RNASET2: variants seen among roughly 807,000 people sequenced by gnomAD.
RNASET2 encodes ribonuclease 6.
In RNASET2, 28 loss-of-function variants were observed where a neutral mutation model predicts 33.9. The observed-to-expected ratio is 0.83, with a 90% confidence interval of 0.61 to 1.13. The LOEUF (loss-of-function observed/expected upper bound fraction) is 1.13. Ranked by LOEUF, RNASET2 falls within the 50% of genes most tolerant of loss-of-function variation. The pLI, the probability that RNASET2 is intolerant of heterozygous loss-of-function variation, is 0.00. For synonymous variants in RNASET2, 123 were observed against 121.0 expected (o/e 1.02, Z -0.11); for missense variants, 330 against 319.9 (o/e 1.03, Z -0.24).
Position 166,938,980 on chromosome 6 carries a change from A to C in RNASET2, c.361T>G (p.Cys121Gly). Residue 121 changes from cysteine to glycine, a missense_variant, in exon 6 of 9, where the codon TGC becomes GGC. Coordinates refer to ENST00000508775, the MANE Select transcript of RNASET2 (RefSeq NM_003730.6). ...WKHEWEKHGT[C>G]AAQVDALNSQ... ...TTGAGCGCATCCACCTGGGCGGCGCAGGTCCCATGCTTTTCCCACTCATGC... is the reference window on the plus strand; with the variant it reads ...TTGAGCGCATCCACCTGGGCGGCGCCGGTCCCATGCTTTTCCCACTCATGC... The C allele has an allele frequency of 6.2e-7, 1 of 1,613,522 alleles. No homozygotes were observed. Among genetic ancestry groups the C allele is most frequent in the Non-Finnish European group, 8.5e-7 (1 of 1,179,944 alleles).
chr6:166,943,114 T>A (rs1230034541), intron 4 of RNASET2, 25 bp from the exon 5 acceptor site: 1 of 1,562,032 alleles, frequency 6.4e-7, no homozygotes, highest in East Asian at 2.2e-5. Flanking sequence ...ATAAAATAAG[T>A]CTACGCAGGT....
chr6:166,943,184 AGC>A, intron 4 of RNASET2, 95 bp from the exon 5 acceptor site: 2 of 839,940 alleles, frequency 2.4e-6, no homozygotes, highest in Non-Finnish European at 3.9e-6. Flanking sequence ...CAAAGAATTG[AGC>A]TCTGCTAATT....
At chr6:166,943,300 A>G in intron 4 of RNASET2, 1 of 471,646 alleles carries the variant, frequency 2.1e-6, no homozygotes, top group East Asian at 4.3e-5. Flanking sequence ...ACTGCACACG[A>G]AAATACAAGC....
At chr6:166,953,117 C>T (rs1779027910) in intron 1 of RNASET2, 2 of 194,556 alleles carry the variant, frequency 1.0e-5, no homozygotes, top group African/African-American at 4.7e-5. Flanking sequence ...GCCACCAGGA[C>T]TGTTAACTTG....
At position 166,925,408 on chromosome 6, in the gene RNASET2, C is replaced by T. The variant is rs776652962; in HGVS notation, c.*4180G>A. 8.6e-5 allele frequency among the ~76,000 whole-genome samples: 13 copies of T among 150,956 alleles called. No individual in the cohort carries two copies. Among genetic ancestry groups the T allele is most frequent in the African/African-American group, 1.5e-4 (6 of 41,184 alleles). On this transcript the variant is annotated 3_prime_UTR_variant, in exon 9 of 9. Transcript: ENST00000508775. Reference sequence around the variant, plus strand: ...TCTACACTGCCTAGCCCTCACCTCCCCTGTCCAGCCCGTCCTCACCTACAC... The same window carrying T: ...TCTACACTGCCTAGCCCTCACCTCCTCTGTCCAGCCCGTCCTCACCTACAC...
chr6:166,938,771 T>C (rs1212136119), intron 6 of RNASET2, 124 bp downstream of exon 6: 4 of 778,968 alleles, frequency 5.1e-6, no homozygotes, highest in Admixed American at 1.8e-5. Context: ...AGCCGAATAG[T>C]GCACATGCAG....
intron 2 of RNASET2, among the ~76,000 whole-genome samples, chr6:166,951,302 A>G (rs1329927935): frequency 6.6e-6 from 1 of 152,266 alleles, no homozygotes; most frequent in Non-Finnish European, 1.5e-5. Flanking sequence ...ATGAAAGTGA[A>G]ACAGCAGTGT....
intron 5 of RNASET2, among the ~76,000 whole-genome samples, chr6:166,941,171 G>A (rs1173848420): frequency 3.3e-5 from 5 of 152,172 alleles, no homozygotes; most frequent in African/African-American, 1.2e-4. Flanking sequence ...TTTAGAACCA[G>A]TTTTTTAAGT....
intron 4 of RNASET2, 50 bp downstream of exon 4, chr6:166,946,632 G>A: frequency 1.0e-6 from 1 of 1,002,736 alleles, no homozygotes; most frequent in Non-Finnish European, 1.6e-6. Context: ...GAAGAAAAGA[G>A]TTAATCTAGG....
At position 166,944,399 on chromosome 6, in the gene RNASET2, A is replaced by G. The variant is rs1006240270; in HGVS notation, c.262-1310T>C. Reference sequence around the variant, plus strand: ...TATATGAGGGTCCTTTTCTCAGCCCATTTGTAACTCAGCCCCTACCCCACA... The same window carrying G: ...TATATGAGGGTCCTTTTCTCAGCCCGTTTGTAACTCAGCCCCTACCCCACA... On this transcript the variant is annotated intron_variant, in intron 4 of 8. Coordinates refer to ENST00000508775, the MANE Select transcript of RNASET2 (RefSeq NM_003730.6). Among the ~76,000 whole-genome samples, 9 of 151,482 alleles carry G rather than the reference A, an allele frequency of 5.9e-5. No homozygotes were observed. In the East Asian group the frequency reaches 1.4e-3, roughly 23 times the overall value.
chr6:166,923,228 C>CTT lies in RNASET2; in HGVS notation c.*6358_*6359dup, dbSNP rs576639665. 4.1e-3 allele frequency among the ~76,000 whole-genome samples: 424 copies of CTT among 102,624 alleles called. 24 individuals are homozygous for CTT. The highest frequency in any genetic ancestry group is 0.016 in the African/African-American group (301 of 19,130). The allele number at this position is 102,624 out of a possible 152,430, so 67.3% of individuals were successfully genotyped here. A position where few individuals can be genotyped will look rare whatever the true frequency, so the allele number is the denominator to read the frequency against. On this transcript the variant is annotated 3_prime_UTR_variant, in exon 9 of 9. Coordinates refer to ENST00000508775, the MANE Select transcript of RNASET2 (RefSeq NM_003730.6). ...ACAGGCGTGAGCCACCAGGCCCGGC[C>CTT]TTTTTTTTTTTTTTTTTTTTTGAGA...
intron 7 of RNASET2, chr6:166,931,360 T>TG: frequency 1.8e-6 from 1 of 559,110 alleles, no homozygotes; most frequent in Admixed American, 3.1e-5. Flanking sequence ...TCTCTGCTCC[T>TG]GTTTCTCTGG....
rs1337154689 is a variant in RNASET2, at chr6:166,934,033, G to C, written c.492+58C>G. The C allele has an allele frequency of 1.4e-5, 18 of 1,278,974 alleles. No individual in the cohort carries two copies. In the South Asian group the frequency reaches 1.4e-4, roughly 10 times the overall value. 79.2% of individuals were successfully genotyped at this position (1,278,974 alleles called of 1,614,324 possible). ...GCCCATTGACTCAGAGGCTGAAACG[G>C]CCCTACTGGAGGTCCCCGGGAGAGA... On this transcript the variant is annotated intron_variant, in intron 7 of 8. Transcript: ENST00000508775.
chr6:166,948,008 G>T (rs1778889101), intron 3 of RNASET2, among the ~76,000 whole-genome samples: 1 of 152,170 alleles, frequency 6.6e-6, no homozygotes, highest in Admixed American at 6.5e-5. Flanking sequence ...AAATTAAAAT[G>T]TAGTGACCCT....
intron 1 of RNASET2, among the ~76,000 whole-genome samples, chr6:166,955,185 A>G (rs976121578): frequency 9.7e-5 from 11 of 113,406 alleles, no homozygotes; most frequent in African/African-American, 1.2e-4. Flanking sequence ...CCACACACAC[A>G]CACGCACACA....
At position 166,923,108 on chromosome 6, in the gene RNASET2, G is replaced by C. The variant is rs374064175; in HGVS notation, c.*6480C>G. On this transcript the variant is annotated 3_prime_UTR_variant, in exon 9 of 9. Transcript: ENST00000508775. ...TATCCATCTCAAACTTTCTTTTGGA[G>C]ATGGAGTCTCACTCTGTTGCCCAGG... 1.8e-4 allele frequency among the ~76,000 whole-genome samples: 28 copies of C among 152,120 alleles called. No individual in the cohort carries two copies. Among genetic ancestry groups the C allele is most frequent in the African/African-American group, 6.5e-4 (27 of 41,424 alleles).
At position 166,948,574 on chromosome 6, in the gene RNASET2, GTCCA is replaced by G; in HGVS notation, c.195_198del (p.Gly66TyrfsTer17). 6.3e-7 allele frequency: 1 copy of G among 1,594,852 alleles called. No individual in the cohort carries two copies. The highest frequency in any genetic ancestry group is 1.1e-5 in the South Asian group (1 of 90,720). On this transcript the variant is annotated frameshift_variant, in exon 3 of 9. Transcript: ENST00000508775. LOFTEE classifies it high-confidence loss of function. ...TTAATTGTGTGAGACACTTGCCATA[GTCCA>G]TGTATTGTCCAGTAATCCGGAGGGT...
intron 6 of RNASET2, among the ~76,000 whole-genome samples, chr6:166,935,823 A>C (rs1403703060): frequency 6.6e-6 from 1 of 152,098 alleles, no homozygotes; most frequent in Non-Finnish European, 1.5e-5. Flanking sequence ...GATTACGTGC[A>C]CCACCATGCC....
chr6:166,929,377 A>G lies in RNASET2; in HGVS notation c.*211T>C. 1 of 631,950 alleles carries G rather than the reference A, an allele frequency of 1.6e-6. No homozygotes were observed. The highest frequency in any genetic ancestry group is 1.9e-5 in the South Asian group (1 of 53,710). The allele number at this position is 631,950 out of a possible 1,614,324, so 39.1% of individuals were successfully genotyped here. ...AAAAACAATCTGTGAGCTTTATCCC[A>G]AGCACAAAACAGCCACTCAGGCGTG... On this transcript the variant is annotated 3_prime_UTR_variant, in exon 9 of 9. Coordinates refer to ENST00000508775, the MANE Select transcript of RNASET2 (RefSeq NM_003730.6).
Sources: gnomAD v4.1 joint callset for allele counts (sites outside exome capture counted in the v4.1 genomes callset) on GRCh38, gnomAD v4.1.1 for gene constraint, MANE v1.5 for transcripts, NCBI Gene and HGNC (gene_info 2026-07-23, HGNC 2026-07-21) for gene names.